The following OR2L13 variants were observed in gnomAD, a reference collection of about 807,000 sequenced individuals.
The protein encoded by OR2L13 is olfactory receptor 2L13.
OR2L13 carries 14 observed loss-of-function variants against 15.3 expected under a neutral mutation model. That is an observed-to-expected ratio of 0.91 (90% CI 0.60 to 1.43). OR2L13 has a LOEUF of 1.43. Among genes scored for constraint, OR2L13 ranks in the 40% most tolerant of loss-of-function variants. The probability of loss-of-function intolerance (pLI) is 0.00; values close to 1 mark genes in which losing one functional copy is unlikely to be tolerated. For synonymous variants in OR2L13, 152 were observed against 142.9 expected (o/e 1.06, Z -0.45); for missense variants, 367 against 387.9 (o/e 0.95, Z 0.45).
At chr1:248,057,584 G>C in the OR2L13 span, among the ~76,000 whole-genome samples, 1 of 152,150 alleles carries the variant, frequency 6.6e-6, no homozygotes. Context: ...GACTTTGGCT[G>C]TTGTTGACAT....
the OR2L13 span, among the ~76,000 whole-genome samples, chr1:248,050,450 T>C: frequency 1.3e-5 from 2 of 152,118 alleles, no homozygotes; most frequent in African/African-American, 2.4e-5. Flanking sequence ...TGCTTTCCTG[T>C]CAGGAACCAG....
At chr1:248,076,693 G>T in the OR2L13 span, among the ~76,000 whole-genome samples, 1 of 152,162 alleles carries the variant, frequency 6.6e-6, no homozygotes, top group East Asian at 1.9e-4. Flanking sequence ...CATTGATTTT[G>T]TATCCTGAGA....
chr1:247,948,651 G>GTTAA, the OR2L13 span, among the ~76,000 whole-genome samples: 7 of 152,228 alleles, frequency 4.6e-5, no homozygotes, highest in Admixed American at 2.6e-4. Context: ...AGTTACTCTT[G>GTTAA]TTAATCTCTT....
chr1:248,000,600 T>C, the OR2L13 span, among the ~76,000 whole-genome samples: 2 of 152,156 alleles, frequency 1.3e-5, no homozygotes, highest in African/African-American at 2.4e-5. Flanking sequence ...ATTGTAATTA[T>C]TATGCTGAAT....
chr1:247,949,752 G>C, the OR2L13 span: 2 of 1,612,998 alleles, frequency 1.2e-6, no homozygotes, highest in Non-Finnish European at 1.7e-6. Context: ...GGTGATGGGG[G>C]CCCTGACACG....
the OR2L13 span, among the ~76,000 whole-genome samples, chr1:248,043,078 T>A: frequency 1.3e-5 from 2 of 152,276 alleles, no homozygotes; most frequent in African/African-American, 4.8e-5. Context: ...CTGGGTGCCA[T>A]TCACAGCCCT....
chr1:247,995,022 C>T, the OR2L13 span, among the ~76,000 whole-genome samples: 1 of 152,162 alleles, frequency 6.6e-6, no homozygotes, highest in African/African-American at 2.4e-5. Context: ...TCTGACTCTA[C>T]CTGGAACTTT....
the OR2L13 span, among the ~76,000 whole-genome samples, chr1:247,946,050 C>T: frequency 1.3e-5 from 2 of 152,074 alleles, no homozygotes; most frequent in African/African-American, 4.8e-5. Context: ...TTGTCATTTT[C>T]AGTGTGTAAA....
the OR2L13 span, chr1:247,965,434 T>C: frequency 6.2e-7 from 1 of 1,613,728 alleles, no homozygotes; most frequent in Non-Finnish European, 8.5e-7. Flanking sequence ...TCTTTTCCAA[T>C]ATGGCTGGAT....
chr1:248,061,096 A>G, the OR2L13 span: 235,711 of 1,602,004 alleles, frequency 0.15, 19,597 homozygotes, highest in East Asian at 0.29. Flanking sequence ...GAGCAAAAGA[A>G]TGTGTGTGCT....
chr1:248,003,349 C>A, the OR2L13 span: 1 of 1,602,694 alleles, frequency 6.2e-7, no homozygotes, highest in Non-Finnish European at 8.5e-7. Flanking sequence ...TAAATTACAT[C>A]TCCACCATTG....
the OR2L13 span, among the ~76,000 whole-genome samples, chr1:248,025,256 AAAAC>A: frequency 4.7e-5 from 7 of 147,934 alleles, no homozygotes; most frequent in East Asian, 2.0e-4. Context: ...TTACAAGAAA[AAAAC>A]AAACAACCCC....
chr1:248,002,195 T>A, the OR2L13 span, among the ~76,000 whole-genome samples: 2 of 152,200 alleles, frequency 1.3e-5, no homozygotes, highest in Non-Finnish European at 1.5e-5. Flanking sequence ...CAAGATTTTT[T>A]AAAAATGTAT....
the OR2L13 span, among the ~76,000 whole-genome samples, chr1:248,056,874 T>C: frequency 2.6e-5 from 4 of 152,016 alleles, no homozygotes; most frequent in African/African-American, 9.7e-5. Flanking sequence ...TGTCAGAAAC[T>C]CCTGAGCTCA....
At chr1:248,086,880 A>G in the OR2L13 span, among the ~76,000 whole-genome samples, 1 of 151,120 alleles carries the variant, frequency 6.6e-6, no homozygotes. Flanking sequence ...TTTCTATTAT[A>G]TATATTTATA....
chr1:248,073,176 C>T, the OR2L13 span, among the ~76,000 whole-genome samples: 5 of 152,126 alleles, frequency 3.3e-5, no homozygotes, highest in African/African-American at 4.8e-5. Flanking sequence ...CACATGCACA[C>T]GTATGTTTAT....
chr1:248,055,824 G>C, the OR2L13 span: 1 of 152,172 alleles, frequency 6.6e-6, no homozygotes, highest in Non-Finnish European at 1.5e-5. Flanking sequence ...TCAATTGTTT[G>C]GAAAAGTTTC....
chr1:247,972,059 G>T, the OR2L13 span, among the ~76,000 whole-genome samples: 1 of 152,208 alleles, frequency 6.6e-6, no homozygotes, highest in Non-Finnish European at 1.5e-5. Flanking sequence ...TAAATAAGTT[G>T]TTTGAAACCA....
At chr1:248,084,197 G>A in the OR2L13 span, 14 of 1,611,808 alleles carry the variant, frequency 8.7e-6, no homozygotes, top group Admixed American at 1.7e-5. Flanking sequence ...GCCAGCTCAT[G>A]AGAGTGGGAT....
Sources: allele counts gnomAD v4.1 joint callset (sites outside exome capture counted in the v4.1 genomes callset), GRCh38; gene constraint gnomAD v4.1.1; transcripts MANE v1.5; gene names NCBI Gene and HGNC (gene_info 2026-07-23, HGNC 2026-07-21).